Variants in OVCH1 observed in about 807,000 individuals in gnomAD.
OVCH1 encodes the protein ovochymase-1.
In OVCH1, 139 loss-of-function variants were observed where a neutral mutation model predicts 138.4. The ratio of observed to expected loss-of-function variants is 1.00; its 90% CI spans 0.87 to 1.16. The LOEUF (loss-of-function observed/expected upper bound fraction) is 1.16. Among genes scored for constraint, OVCH1 ranks in the 50% most tolerant of loss-of-function variants. OVCH1 has a pLI of 0.00. For synonymous variants in OVCH1, 453 were observed against 467.8 expected (o/e 0.97, Z 0.41); for missense variants, 1,367 against 1,357.9 (o/e 1.01, Z -0.11).
chr12:29,479,806 T>C (rs1942865456), intron 8 of OVCH1, among the ~76,000 whole-genome samples: 1 of 151,034 alleles, frequency 6.6e-6, no homozygotes, highest in Non-Finnish European at 1.5e-5. Context: ...GACATCTTAA[T>C]TGGCAACTCT....
In OVCH1 at chr12:29,439,284, T is replaced by A. The variant is rs1274784999; in HGVS notation, c.3264+44A>T. On this transcript the variant is annotated intron_variant, in intron 26 of 27. Transcript: ENST00000318184. ...TTATTTATTGTTCTTTTTGTTAAGA[T>A]GTTATATAAGCCCAAGTTCTAATCA... The A allele has an allele frequency of 2.9e-6, 4 of 1,387,996 alleles. No homozygotes were observed. In the African/African-American group the frequency reaches 4.5e-5, roughly 15 times the overall value. 86.0% of individuals were successfully genotyped at this position (1,387,996 alleles called of 1,614,324 possible).
intron 13 of OVCH1, among the ~76,000 whole-genome samples, 168 bp downstream of exon 13, chr12:29,476,038 A>C (rs978728511): frequency 6.6e-6 from 1 of 152,212 alleles, no homozygotes; most frequent in African/African-American, 2.4e-5. Context: ...CTGGCGAATT[A>C]GTTGCTGGCT....
intron 4 of OVCH1, among the ~76,000 whole-genome samples, chr12:29,493,432 G>A (rs1943326056): frequency 6.6e-6 from 1 of 151,940 alleles, no homozygotes; most frequent in Admixed American, 6.6e-5. Context: ...TAAAGATTTG[G>A]ATATCAATTA....
At chr12:29,435,377 T>G (rs1005376730) in intron 26 of OVCH1, among the ~76,000 whole-genome samples, 4 of 152,024 alleles carry the variant, frequency 2.6e-5, no homozygotes, top group Non-Finnish European at 4.4e-5. Context: ...AAAAACCACT[T>G]TTTTTTTGAG....
At chr12:29,492,866 A>T (rs1156381551) in intron 4 of OVCH1, among the ~76,000 whole-genome samples, 1 of 152,174 alleles carries the variant, frequency 6.6e-6, no homozygotes, top group African/African-American at 2.4e-5. Context: ...AGGGTACAAT[A>T]GGGTAGGAGA....
intron 8 of OVCH1, among the ~76,000 whole-genome samples, chr12:29,481,709 C>T (rs1355379789): frequency 6.6e-6 from 1 of 152,138 alleles, no homozygotes; most frequent in African/African-American, 2.4e-5. Context: ...TCTCTCTGTC[C>T]ATAAGCACAG....
At chr12:29,490,077 T>A (rs1427844751) in intron 5 of OVCH1, among the ~76,000 whole-genome samples, 1 of 152,174 alleles carries the variant, frequency 6.6e-6, no homozygotes, top group Non-Finnish European at 1.5e-5. Context: ...AAAAATGATT[T>A]TTTTAAGACA....
chr12:29,460,753 C>T (rs894417067), intron 19 of OVCH1, among the ~76,000 whole-genome samples: 1 of 151,936 alleles, frequency 6.6e-6, no homozygotes, highest in East Asian at 1.9e-4. Flanking sequence ...GATTGGCTGC[C>T]TTCCCTTCCC....
chr12:29,411,519 A>C (rs968716906), downstream of OVCH1, among the ~76,000 whole-genome samples: 2 of 151,852 alleles, frequency 1.3e-5, no homozygotes, highest in African/African-American at 4.8e-5. Flanking sequence ...TTTCCTTCTA[A>C]CAGACAGGAC....
intron 23 of OVCH1, 144 bp from the exon 24 acceptor site, chr12:29,444,424 T>C: frequency 1.1e-6 from 1 of 897,820 alleles, no homozygotes; most frequent in Non-Finnish European, 1.6e-6. Context: ...TTGGTTTCAC[T>C]GAAAATTTTC....
intron 25 of OVCH1, chr12:29,440,697 C>T (rs1941461442): frequency 2.2e-6 from 1 of 455,440 alleles, no homozygotes; most frequent in Admixed American, 2.4e-5. Flanking sequence ...CTTCTTGGTG[C>T]TGAATTGGCT....
At chr12:29,403,208 T>G in the OVCH1 span, among the ~76,000 whole-genome samples, 1 of 152,188 alleles carries the variant, frequency 6.6e-6, no homozygotes, top group African/African-American at 2.4e-5. Flanking sequence ...AGTAGCTAAT[T>G]TTCAAACTTT....
At chr12:29,491,238 G>GTTGAATA (rs1943265612) in intron 4 of OVCH1, 46 bp from the exon 5 acceptor site, 3 of 1,437,090 alleles carry the variant, frequency 2.1e-6, no homozygotes, top group Non-Finnish European at 2.9e-6. Flanking sequence ...AATACGCCAT[G>GTTGAATA]TTGAATATAT....
At chr12:29,409,199 T>A (rs1354100651), downstream of OVCH1, among the ~76,000 whole-genome samples, 3 of 152,188 alleles carry the variant, frequency 2.0e-5, no homozygotes, top group Admixed American at 2.0e-4. Context: ...TCTTCTCTCT[T>A]TTTTCTTTAT....
At chr12:29,440,809 T>TA (rs1457622268) in intron 25 of OVCH1, 65 bp from the exon 26 acceptor site, 1 of 449,736 alleles carries the variant, frequency 2.2e-6, no homozygotes, top group Non-Finnish European at 4.5e-6. Context: ...ATCTGAAGAA[T>TA]AAAAAAGACA....
intron 27 of OVCH1, among the ~76,000 whole-genome samples, chr12:29,430,092 T>A (rs891750058): frequency 2.0e-5 from 3 of 152,234 alleles, no homozygotes; most frequent in Non-Finnish European, 4.4e-5. Context: ...TTCACAATCA[T>A]AAGATACAGG....
chr12:29,419,021 A>AT (rs1282210330), intron 3 of OVCH1, among the ~76,000 whole-genome samples: 1 of 151,606 alleles, frequency 6.6e-6, no homozygotes, highest in Non-Finnish European at 1.5e-5. Context: ...TGCCCAGCTA[A>AT]TTTTTTTTAG....
intron 16 of OVCH1, among the ~76,000 whole-genome samples, chr12:29,467,103 T>C (rs957515478): frequency 2.0e-5 from 3 of 152,140 alleles, no homozygotes; most frequent in Non-Finnish European, 4.4e-5. Context: ...TGGTAGATGA[T>C]AATGACTCCA....
At chr12:29,422,594 A>G (rs1346258776), downstream of OVCH1, among the ~76,000 whole-genome samples, 1 of 152,240 alleles carries the variant, frequency 6.6e-6, no homozygotes, top group Non-Finnish European at 1.5e-5. Flanking sequence ...GATGAAGACT[A>G]TATCAGTGGG....
Sources: allele counts gnomAD v4.1 joint callset (sites outside exome capture counted in the v4.1 genomes callset), GRCh38; gene constraint gnomAD v4.1.1; transcripts MANE v1.5; gene names NCBI Gene and HGNC (gene_info 2026-07-23, HGNC 2026-07-21).